The following PHC2 variants were observed in gnomAD, a reference collection of about 807,000 sequenced individuals.
PHC2 encodes polyhomeotic-like protein 2.
In PHC2, 29 loss-of-function variants were observed where a neutral mutation model predicts 87.4. The ratio of observed to expected loss-of-function variants is 0.33; its 90% CI spans 0.25 to 0.45. The LOEUF (loss-of-function observed/expected upper bound fraction) is 0.45. Among genes scored for constraint, PHC2 ranks in the 20% least tolerant of loss-of-function variants. The pLI, the probability that PHC2 is intolerant of heterozygous loss-of-function variation, is 1.00. For synonymous variants in PHC2, 438 were observed against 461.7 expected, an observed-to-expected ratio of 0.95 and a Z score of 0.66; for missense variants, 857 against 1,136.7, an observed-to-expected ratio of 0.75 and a Z score of 3.54.
chr1:33,336,134 A>G (rs2148216456), intron 9 of PHC2, among the ~76,000 whole-genome samples: 1 of 151,936 alleles, frequency 6.6e-6, no homozygotes, highest in South Asian at 2.1e-4. Context: ...GATTACAGGC[A>G]CGTACCACCA....
intron 1 of PHC2, among the ~76,000 whole-genome samples, chr1:33,424,882 A>G (rs2148409340): frequency 6.6e-6 from 1 of 152,364 alleles, no homozygotes; most frequent in Non-Finnish European, 1.5e-5. Context: ...TCTGGGTCAC[A>G]TGAAATGATG....
rs755274964 is a variant in PHC2, at chr1:33,367,415, G to C, written c.677C>G (p.Thr226Ser). The change falls in exon 7 of 15, where the codon ACC becomes AGC. Residue 226 changes from threonine to serine, a missense_variant. By Grantham distance (58) the Thr-to-Ser change is moderately conservative. Coordinates refer to ENST00000683057, the MANE Select transcript of PHC2 (RefSeq NM_001385109.1). ...CGCTGGTGTCTGCTGTGTTCGGAGG[G>C]TCAAGTTCTGTACCTGGAAAAGAGG... ...PPTPAQVQNL[T>S]LRTQQTPAAA... The C allele has an allele frequency of 5.1e-6, 8 of 1,568,390 alleles. No homozygotes were observed. In the South Asian group the frequency reaches 9.5e-5, roughly 19 times the overall value.
At chr1:33,391,916 G>A (rs924233931) in intron 1 of PHC2, among the ~76,000 whole-genome samples, 2 of 152,184 alleles carry the variant, frequency 1.3e-5, no homozygotes, top group Admixed American at 6.5e-5. Context: ...TATTGCAACT[G>A]AGGCTCTAGT....
At chr1:33,337,153 G>A (rs956605482) in intron 9 of PHC2, among the ~76,000 whole-genome samples, 2 of 152,164 alleles carry the variant, frequency 1.3e-5, no homozygotes, top group Non-Finnish European at 2.9e-5. Context: ...ATTCCCTGAT[G>A]AGTCTAATGA....
chr1:33,427,849 CTTCTT>C (rs1484904033), intron 1 of PHC2, among the ~76,000 whole-genome samples: 1 of 152,128 alleles, frequency 6.6e-6, no homozygotes, highest in African/African-American at 2.4e-5. Context: ...GGTTCTCTTG[CTTCTT>C]TTCTTATTTT....
chr1:33,359,747 G>T (rs1557832658), intron 7 of PHC2, among the ~76,000 whole-genome samples: 1 of 152,192 alleles, frequency 6.6e-6, no homozygotes, highest in Non-Finnish European at 1.5e-5. Flanking sequence ...GTTTCCCAGA[G>T]CAAGTAAGTG....
chr1:33,329,858 C>T (rs762603487), intron 13 of PHC2, among the ~76,000 whole-genome samples: 4 of 152,104 alleles, frequency 2.6e-5, no homozygotes, highest in Admixed American at 6.5e-5. Context: ...GGCAAGGCCA[C>T]GGAAGGGGGC....
In PHC2 at chr1:33,375,602, G is replaced by C; in HGVS notation, c.-54-9C>G. ...AGAAGGGCAGGCAGATGCTAGGAGG[G>C]AAGAGGCAGAAGTGAATGTTTTGAC... On this transcript the variant is annotated splice_polypyrimidine_tract_variant and intron_variant, in intron 1 of 14. Transcript: ENST00000683057. 2 of 1,409,048 alleles carry C rather than the reference G, an allele frequency of 1.4e-6. No individual in the cohort carries two copies. Among genetic ancestry groups the C allele is most frequent in the Non-Finnish European group, 9.4e-7 (1 of 1,067,506 alleles). The allele number at this position is 1,409,048 out of a possible 1,614,324, so 87.3% of individuals were successfully genotyped here. A position where few individuals can be genotyped will look rare whatever the true frequency, so the allele number is the denominator to read the frequency against.
rs1174327032 is a variant in PHC2 at position 33,349,888 on chromosome 1, C to G, written c.1558+4513G>C. 3.1e-6 allele frequency: 3 copies of G among 975,456 alleles called. No homozygotes were observed. Among genetic ancestry groups the G allele is most frequent in the Admixed American group, 1.3e-4 (2 of 15,668 alleles). 60.4% of individuals were successfully genotyped at this position (975,456 alleles called of 1,614,324 possible). A position where few individuals can be genotyped will look rare whatever the true frequency, so the allele number is the denominator to read the frequency against. On this transcript the variant is annotated intron_variant, in intron 9 of 14. Transcript: ENST00000683057. This position sits in a 1 kb window ranked among gnomAD's most constrained non-coding sequence, Gnocchi z 4.2. ...GGGCGCTCGAGGGCTGCAGCCGCCGCGGAGACAATGCGGCGAGTCTGGGAC... is the reference window on the plus strand; with the variant it reads ...GGGCGCTCGAGGGCTGCAGCCGCCGGGGAGACAATGCGGCGAGTCTGGGAC...
At chr1:33,335,580 GAA>G (rs1273914886) in intron 9 of PHC2, among the ~76,000 whole-genome samples, 1 of 152,184 alleles carries the variant, frequency 6.6e-6, no homozygotes, top group Non-Finnish European at 1.5e-5. Context: ...ATATAGTATG[GAA>G]AAGTCAAAAC....
chr1:33,371,686 G>A (rs776178765), intron 3 of PHC2, among the ~76,000 whole-genome samples: 1 of 152,218 alleles, frequency 6.6e-6, no homozygotes, highest in African/African-American at 2.4e-5. Context: ...ATGCAAGGCC[G>A]TCTACCTTGC....
In PHC2 at chr1:33,329,957, G is replaced by A. The variant is rs539421574; in HGVS notation, c.2148+114C>T. 160 of 1,164,396 alleles carry A rather than the reference G, an allele frequency of 1.4e-4. No individual in the cohort carries two copies. In the African/African-American group the frequency reaches 2.2e-3, roughly 16 times the overall value. 72.1% of individuals were successfully genotyped at this position (1,164,396 alleles called of 1,614,324 possible). On this transcript the variant is annotated intron_variant, in intron 13 of 14. Coordinates refer to ENST00000683057, the MANE Select transcript of PHC2 (RefSeq NM_001385109.1). ...CTGGACAGGTCTACAAGGAATGAGA[G>A]CACAGCAGAGTGCGCTGAAGTCGGC...
chr1:33,375,329 T>C (rs1408889104), intron 2 of PHC2, 37 bp downstream of exon 2: 13 of 1,463,448 alleles, frequency 8.9e-6, no homozygotes, highest in Non-Finnish European at 1.2e-5. Context: ...CTGGAGATGA[T>C]TAAGGAGTAT....
At chr1:33,405,333 G>C (rs1649713232) in intron 1 of PHC2, among the ~76,000 whole-genome samples, 1 of 152,088 alleles carries the variant, frequency 6.6e-6, no homozygotes, top group Admixed American at 6.5e-5. Flanking sequence ...TGGGACTGCA[G>C]GTATGTACCA....
chr1:33,421,475 C>T lies in PHC2; in HGVS notation c.-55+9501G>A, dbSNP rs111714874. ...CTTATTAAATGATTAGAACTTTGCA[C>T]TCTGGAAATATGAAGGCTGAAAGGA... On this transcript the variant is annotated intron_variant, in intron 1 of 14. Transcript: ENST00000683057. Among the ~76,000 whole-genome samples the T allele has an allele frequency of 6.1e-3, 923 of 152,242 alleles. 16 individuals are homozygous for T. Among genetic ancestry groups the T allele is most frequent in the African/African-American group, 0.021 (887 of 41,530 alleles).
rs1647624890 is a variant in PHC2, at chr1:33,368,563, G to A, written c.636C>T (p.Ser212=). The part of the protein sequence containing the change: ...ATVQPELGTG[S]PARPPTPAQV... Reference sequence around the variant, plus strand: ...GGGCGGGGGTGGGGGGCCGGGCGGGGGAGCCAGTGCCGAGCTCAGGCTGCA... The same window carrying A: ...GGGCGGGGGTGGGGGGCCGGGCGGGAGAGCCAGTGCCGAGCTCAGGCTGCA... The change falls in exon 6 of 15, where the codon TCC becomes TCT. Residue 212 remains serine, a synonymous_variant. Coordinates refer to ENST00000683057, the MANE Select transcript of PHC2 (RefSeq NM_001385109.1). This position sits in a 1 kb window ranked among gnomAD's most constrained non-coding sequence, Gnocchi z 6.6. 1.0e-5 allele frequency: 16 copies of A among 1,547,650 alleles called. No homozygotes were observed. Among genetic ancestry groups the A allele is most frequent in the South Asian group, 2.4e-5 (2 of 83,932 alleles).
Position 33,349,935 on chromosome 1 carries a change from C to T in PHC2, c.1558+4466G>A. The T allele has an allele frequency of 1.3e-5, 5 of 371,600 alleles. No homozygotes were observed. Among genetic ancestry groups the T allele is most frequent in the Non-Finnish European group, 1.8e-5 (5 of 284,682 alleles). 23.0% of individuals were successfully genotyped at this position (371,600 alleles called of 1,614,324 possible). ...GGACGGCTCCCGCGGCCGCCTCCGC[C>T]GGGGGCGGGGCGAGGGAGCGGGGCG... is the stretch of plus-strand genomic sequence containing the variant. On this transcript the variant is annotated intron_variant, in intron 9 of 14. Transcript: ENST00000683057. The surrounding 1 kb of genome is among the most constrained non-coding windows in gnomAD (Gnocchi z 4.2).
At chr1:33,337,753 C>CA (rs1274009440) in intron 9 of PHC2, among the ~76,000 whole-genome samples, 1 of 152,202 alleles carries the variant, frequency 6.6e-6, no homozygotes, top group Non-Finnish European at 1.5e-5. Flanking sequence ...AAAAAGGCTA[C>CA]AAATTCGTAA....
In PHC2 at chr1:33,392,188, CAT is replaced by C. The variant is rs1491005553; in HGVS notation, c.-54-16597_-54-16596del. Reference sequence around the variant, plus strand: ...ACGTGCACACACACACACACACACACATGCACATGCACATACACAAATGCTCT... The same window carrying C: ...ACGTGCACACACACACACACACACACGCACATGCACATACACAAATGCTCT... On this transcript the variant is annotated intron_variant, in intron 1 of 14. Coordinates refer to ENST00000683057, the MANE Select transcript of PHC2 (RefSeq NM_001385109.1). Among the ~76,000 whole-genome samples the C allele has an allele frequency of 4.7e-5, 7 of 148,694 alleles. No individual in the cohort carries two copies. The East Asian group carries it at 6.0e-4, about 13-fold the overall frequency.
Sources: gnomAD v4.1 joint callset for allele counts (sites outside exome capture counted in the v4.1 genomes callset) on GRCh38, gnomAD v4.1.1 for gene constraint, Gnocchi (gnomAD v3.1) non-coding constraint, MANE v1.5 for transcripts, NCBI Gene and HGNC (gene_info 2026-07-23, HGNC 2026-07-21) for gene names.